Variants in AUTS2 observed in about 807,000 individuals in gnomAD.
The protein encoded by AUTS2 is autism susceptibility gene 2 protein.
In AUTS2, 17 loss-of-function variants were observed where a neutral mutation model predicts 112.4. That is an observed-to-expected ratio of 0.15 (90% CI 0.10 to 0.23). The LOEUF (loss-of-function observed/expected upper bound fraction) is 0.23, where lower values mean the gene tolerates loss of function less well. Ranked by LOEUF, AUTS2 falls within the 10% of genes least tolerant of loss-of-function variation. The pLI is 1.00. For missense variants in AUTS2, 1,510 were observed against 1,701.6 expected, an observed-to-expected ratio of 0.89 and a Z score of 1.98; for synonymous variants, 751 against 702.7, an observed-to-expected ratio of 1.07 and a Z score of -1.09.
chr7:69,676,976 G>A (rs1234296752), intron 1 of AUTS2, among the ~76,000 whole-genome samples: 2 of 152,010 alleles, frequency 1.3e-5, no homozygotes, highest in Middle Eastern at 3.2e-3. Context: ...TTTAACAGTG[G>A]ACAATTTTGG....
At chr7:70,572,770 T>C (rs1011525417) in intron 5 of AUTS2, among the ~76,000 whole-genome samples, 2 of 152,222 alleles carry the variant, frequency 1.3e-5, no homozygotes, top group African/African-American at 2.4e-5. Flanking sequence ...TTTCATTCTT[T>C]TGTAGGCCAC....
At chr7:70,459,058 G>A (rs1275672859) in intron 5 of AUTS2, among the ~76,000 whole-genome samples, 1 of 152,194 alleles carries the variant, frequency 6.6e-6, no homozygotes, top group East Asian at 1.9e-4. Flanking sequence ...TGGTTGTGTG[G>A]TTTCCCCGGG....
intron 2 of AUTS2, among the ~76,000 whole-genome samples, chr7:69,941,031 C>G (rs1306561259): frequency 6.6e-6 from 1 of 152,076 alleles, no homozygotes; most frequent in Non-Finnish European, 1.5e-5. Context: ...ATGGCTTTGC[C>G]CAGTTAGAGA....
At chr7:69,923,646 T>C (rs1795899846) in intron 2 of AUTS2, among the ~76,000 whole-genome samples, 1 of 152,200 alleles carries the variant, frequency 6.6e-6, no homozygotes, top group Non-Finnish European at 1.5e-5. Context: ...TTTTGTACTT[T>C]TCAGTATATA....
intron 11 of AUTS2, 112 bp downstream of exon 11, chr7:70,771,756 C>A (rs1431709717): frequency 4.9e-6 from 4 of 812,584 alleles, no homozygotes; most frequent in African/African-American, 1.7e-5. Flanking sequence ...TTAATCAGGT[C>A]CTAAGTGACC....
At chr7:70,788,089 T>A (rs10950214) in intron 18 of AUTS2, among the ~76,000 whole-genome samples, 115,992 of 152,092 alleles carry the variant, frequency 0.76, 44,510 homozygotes, top group Middle Eastern at 0.81. Context: ...GTCTTGGAGT[T>A]TTTTTTCCAA....
intron 1 of AUTS2, among the ~76,000 whole-genome samples, chr7:69,825,425 C>T (rs1026631088): frequency 1.3e-4 from 20 of 152,038 alleles, no homozygotes; most frequent in African/African-American, 3.6e-4. Context: ...GGCTCTCCTC[C>T]GAAAGCACTG....
chr7:69,981,210 G>T (rs986217506), intron 2 of AUTS2, among the ~76,000 whole-genome samples: 3 of 152,124 alleles, frequency 2.0e-5, no homozygotes, highest in Non-Finnish European at 4.4e-5. Flanking sequence ...TGTGGTACAC[G>T]GGTGTCTTAT....
chr7:70,065,765 G>A (rs977053553), intron 2 of AUTS2, among the ~76,000 whole-genome samples: 2 of 152,110 alleles, frequency 1.3e-5, no homozygotes, highest in Non-Finnish European at 2.9e-5. Context: ...GAATGCAGTG[G>A]CACAATTATA....
intron 2 of AUTS2, among the ~76,000 whole-genome samples, chr7:70,019,827 C>A (rs1049460519): frequency 6.6e-6 from 1 of 152,098 alleles, no homozygotes; most frequent in Non-Finnish European, 1.5e-5. Flanking sequence ...AAAAAATTTT[C>A]GTATGTGATT....
intron 1 of AUTS2, among the ~76,000 whole-genome samples, chr7:69,762,213 C>T (rs528437355): frequency 2.4e-4 from 36 of 148,984 alleles, no homozygotes; most frequent in African/African-American, 8.9e-4. Flanking sequence ...TGACATTGGG[C>T]TGTATCTAAT....
At chr7:70,427,886 C>G (rs1386721992) in intron 4 of AUTS2, among the ~76,000 whole-genome samples, 3 of 152,188 alleles carry the variant, frequency 2.0e-5, no homozygotes, top group Non-Finnish European at 4.4e-5. Flanking sequence ...GCTAGGTTAT[C>G]AGTACCGAAT....
intron 1 of AUTS2, among the ~76,000 whole-genome samples, chr7:69,684,504 A>G (rs1584066673): frequency 6.6e-6 from 1 of 152,082 alleles, no homozygotes; most frequent in Non-Finnish European, 1.5e-5. Flanking sequence ...TTGTGAGTGA[A>G]CCAGACATTT....
intron 4 of AUTS2, among the ~76,000 whole-genome samples, chr7:70,222,828 T>A (rs1345226119): frequency 6.6e-6 from 1 of 151,814 alleles, no homozygotes; most frequent in African/African-American, 2.4e-5. Context: ...AACCAACTCA[T>A]AAAATATTTG....
chr7:70,400,309 T>G (rs1794272255), intron 4 of AUTS2, among the ~76,000 whole-genome samples: 1 of 152,148 alleles, frequency 6.6e-6, no homozygotes, highest in African/African-American at 2.4e-5. Flanking sequence ...GACACAGAGT[T>G]GTAGGTATGC....
At chr7:69,983,598 T>G (rs1477664461) in intron 2 of AUTS2, among the ~76,000 whole-genome samples, 1 of 152,126 alleles carries the variant, frequency 6.6e-6, no homozygotes, top group Non-Finnish European at 1.5e-5. Context: ...GATCAAACAA[T>G]TGATGAGTCT....
intron 1 of AUTS2, among the ~76,000 whole-genome samples, chr7:69,746,204 T>A (rs1009183019): frequency 2.6e-5 from 4 of 152,176 alleles, no homozygotes; most frequent in Admixed American, 1.3e-4. Context: ...GACATTTGGC[T>A]GCTTTTTCTA....
At chr7:70,627,858 G>A (rs1399088726) in intron 5 of AUTS2, among the ~76,000 whole-genome samples, 2 of 152,232 alleles carry the variant, frequency 1.3e-5, no homozygotes, top group Admixed American at 6.5e-5. Context: ...TGGGATAAAC[G>A]TGGTCAGGAT....
intron 5 of AUTS2, among the ~76,000 whole-genome samples, chr7:70,492,382 A>G (rs534408941): frequency 1.8e-4 from 28 of 152,116 alleles, no homozygotes; most frequent in African/African-American, 4.8e-4. Flanking sequence ...GGGCAGAACA[A>G]TTGGGGTGAG....
Sources: allele counts gnomAD v4.1 joint callset (sites outside exome capture counted in the v4.1 genomes callset), GRCh38; gene constraint gnomAD v4.1.1; transcripts MANE v1.5; gene names NCBI Gene and HGNC (gene_info 2026-07-23, HGNC 2026-07-21).